The following BIN2 variants were observed in gnomAD, a reference collection of about 807,000 sequenced individuals.
BIN2 encodes the protein breast cancer associated protein BRAP1.
A neutral mutation model predicts 67.9 loss-of-function variants in BIN2; 43 were observed. That is an observed-to-expected ratio of 0.63 (90% confidence interval 0.50 to 0.82). The LOEUF (loss-of-function observed/expected upper bound fraction) is 0.82. BIN2 is among the 40% of genes least tolerant of loss of function. BIN2 has a pLI of 0.00. For synonymous variants in BIN2, 244 were observed against 246.8 expected (o/e 0.99, Z 0.11); for missense variants, 581 against 671.6 (o/e 0.87, Z 1.49).
In BIN2 at chr12:51,313,901, C is replaced by A; in HGVS notation, c.84G>T (p.Val28=). The change falls in exon 2 of 13, where the codon GTG becomes GTT. Residue 28 remains valine (V), a splice_region_variant and synonymous_variant. Coordinates refer to ENST00000615107, the MANE Select transcript of BIN2 (RefSeq NM_016293.4). Reference sequence around the variant, plus strand: ...CTACAGCTTTCCCCAATTTCTGCAGCACCTAGGGATATAAGTCAGAAAGGC... The same window carrying A: ...CTACAGCTTTCCCCAATTTCTGCAGAACCTAGGGATATAAGTCAGAAAGGC... ...QKKFSRAQEK[V]LQKLGKAVET... 2 of 1,613,528 alleles carry A rather than the reference C, an allele frequency of 1.2e-6. No homozygotes were observed. Among genetic ancestry groups the A allele is most frequent in the Non-Finnish European group, 1.7e-6 (2 of 1,179,506 alleles).
intron 9 of BIN2, among the ~76,000 whole-genome samples, chr12:51,294,490 C>T (rs1281017899): frequency 6.6e-6 from 1 of 151,614 alleles, no homozygotes; most frequent in African/African-American, 2.4e-5. Flanking sequence ...TTGCTTGAAC[C>T]CGGGAAGCAG....
At chr12:51,284,841 C>T (rs961439155) in intron 11 of BIN2, 54 bp from the exon 12 acceptor site, 3 of 1,336,636 alleles carry the variant, frequency 2.2e-6, no homozygotes, top group Non-Finnish European at 3.2e-6. Context: ...TCCAGCCTCT[C>T]AGCATAGAAG....
chr12:51,293,201 A>G (rs1371781909), intron 9 of BIN2, among the ~76,000 whole-genome samples: 2 of 152,146 alleles, frequency 1.3e-5, no homozygotes, highest in African/African-American at 4.8e-5. Flanking sequence ...AGAATCAACT[A>G]TAACATCTAT....
At chr12:51,299,091 G>A (rs771575673) in intron 7 of BIN2, 112 bp downstream of exon 7, 5 of 684,180 alleles carry the variant, frequency 7.3e-6, no homozygotes, top group African/African-American at 2.1e-5. Flanking sequence ...AAAAAAAAGG[G>A]GGCGGGGCAG....
chr12:51,292,730 G>A (rs1196328002), intron 9 of BIN2, among the ~76,000 whole-genome samples: 2 of 152,168 alleles, frequency 1.3e-5, no homozygotes, highest in Non-Finnish European at 2.9e-5. Flanking sequence ...TATTGGAGAT[G>A]CCCAAGTGGT....
In BIN2 at chr12:51,295,887, A is replaced by C; in HGVS notation, c.679-9T>G. The C allele has an allele frequency of 6.2e-7, 1 of 1,611,274 alleles. No homozygotes were observed. The highest frequency in any genetic ancestry group is 1.3e-5 in the African/African-American group (1 of 74,898). ...TAGAGATTGTGGTTCAGCTAGAGCC[A>C]ATAAGAAAGAAGGGGATGCTAGCCA... On this transcript the variant is annotated splice_polypyrimidine_tract_variant and intron_variant, in intron 8 of 12. Coordinates refer to ENST00000615107, the MANE Select transcript of BIN2 (RefSeq NM_016293.4).
At chr12:51,319,305 C>T (rs942734277) in intron 1 of BIN2, among the ~76,000 whole-genome samples, 4 of 152,160 alleles carry the variant, frequency 2.6e-5, no homozygotes, top group African/African-American at 9.7e-5. Context: ...TCCTCACCCT[C>T]CAACTCTGAA....
intron 2 of BIN2, among the ~76,000 whole-genome samples, chr12:51,305,263 G>C (rs1032608611): frequency 6.6e-6 from 1 of 151,974 alleles, no homozygotes; most frequent in African/African-American, 2.4e-5. Context: ...TTGAACCCAG[G>C]AGGCAGAGGT....
chr12:51,289,628 GA>G (rs1275972590), intron 10 of BIN2, among the ~76,000 whole-genome samples: 1 of 150,988 alleles, frequency 6.6e-6, no homozygotes, highest in Non-Finnish European at 1.5e-5. Flanking sequence ...AAGAAAGAAA[GA>G]AAAAAAAGAG....
rs758015253 is a variant in BIN2 at position 51,299,585 on chromosome 12, TTTG to T, written c.516+19_516+21del. On this transcript the variant is annotated intron_variant, in intron 6 of 12. Coordinates refer to ENST00000615107, the MANE Select transcript of BIN2 (RefSeq NM_016293.4). ...GGAGAACAGGAAGGGTTTACCAGTT[TTTG>T]TTGTTGTTTTTGTTTTACCTTGGCA... 11 of 1,606,262 alleles carry T rather than the reference TTTG, an allele frequency of 6.8e-6. No homozygotes were observed. The highest frequency in any genetic ancestry group is 1.7e-5 in the Admixed American group (1 of 59,972).
chr12:51,324,527 G>A, upstream of BIN2: 2 of 1,531,062 alleles, frequency 1.3e-6, no homozygotes, highest in Admixed American at 2.0e-5. Flanking sequence ...TCGAAAACAC[G>A]TTTAGGTTCT....
At chr12:51,297,325 TTGGG>T in intron 7 of BIN2, 161 bp from the exon 8 acceptor site, 1 of 600,008 alleles carries the variant, frequency 1.7e-6, no homozygotes. Context: ...TCCCAGCACT[TTGGG>T]AGGCCAAGGT....
At chr12:51,284,445 C>T (rs185421157) in intron 12 of BIN2, among the ~76,000 whole-genome samples, 264 of 152,240 alleles carry the variant, frequency 1.7e-3, no homozygotes, top group Middle Eastern at 3.4e-3. Context: ...AATATCTTAA[C>T]CTCTTTAACT....
At chr12:51,318,944 G>A (rs1453536512) in intron 1 of BIN2, among the ~76,000 whole-genome samples, 2 of 152,068 alleles carry the variant, frequency 1.3e-5, no homozygotes, top group Non-Finnish European at 2.9e-5. Flanking sequence ...GTTTTTGTCC[G>A]TCTCTAACTG....
Position 51,299,529 on chromosome 12 carries a change from G to A in BIN2, c.516+78C>T, listed in dbSNP as rs1269113627. On this transcript the variant is annotated intron_variant, in intron 6 of 12. Coordinates refer to ENST00000615107, the MANE Select transcript of BIN2 (RefSeq NM_016293.4). ...TTTATAATTTCCTATACCCATGTTG[G>A]CCCAGCCACCTGCTACCACCATGGG... 4 of 1,376,600 alleles carry A rather than the reference G, an allele frequency of 2.9e-6. No homozygotes were observed. In the East Asian group the frequency reaches 9.2e-5, roughly 32 times the overall value. 85.3% of individuals were successfully genotyped at this position (1,376,600 alleles called of 1,614,324 possible).
chr12:51,321,636 A>T (rs1946286608), intron 1 of BIN2, among the ~76,000 whole-genome samples: 1 of 152,104 alleles, frequency 6.6e-6, no homozygotes, highest in African/African-American at 2.4e-5. Context: ...CGACCTCAGG[A>T]GATCCACCTG....
chr12:51,282,056 G>A (rs1261415044), intron 12 of BIN2, among the ~76,000 whole-genome samples: 2 of 152,260 alleles, frequency 1.3e-5, no homozygotes, highest in Non-Finnish European at 2.9e-5. Flanking sequence ...TGAGCATTGT[G>A]AATTGGGTTA....
chr12:51,295,899 G>C (rs1335266525), intron 8 of BIN2, 21 bp from the exon 9 acceptor site: 3 of 1,604,522 alleles, frequency 1.9e-6, no homozygotes, highest in Non-Finnish European at 2.6e-6. Context: ...TAAGAAAGAA[G>C]GGGATGCTAG....
At chr12:51,294,566 C>CA (rs112987316) in intron 9 of BIN2, among the ~76,000 whole-genome samples, 3,224 of 90,014 alleles carry the variant, frequency 0.036, 57 homozygotes, top group African/African-American at 0.067. Context: ...GACCCTGTCT[C>CA]AAAAAAAAAA....
Sources: allele counts gnomAD v4.1 joint callset (sites outside exome capture counted in the v4.1 genomes callset), GRCh38; gene constraint gnomAD v4.1.1; transcripts MANE v1.5; gene names NCBI Gene and HGNC (gene_info 2026-07-23, HGNC 2026-07-21).